Variants in PSMA8 observed in about 807,000 individuals in gnomAD.
PSMA8 encodes the protein proteasome subunit alpha-type 8.
PSMA8 carries 18 observed loss-of-function variants against 32.4 expected under a neutral mutation model. The observed-to-expected ratio is 0.56, with a 90% CI of 0.38 to 0.82. The LOEUF (loss-of-function observed/expected upper bound fraction) is 0.82, where lower values mean the gene tolerates loss of function less well. Ranked by LOEUF, PSMA8 falls within the 40% of genes least tolerant of loss-of-function variation. The pLI is 0.00. For missense variants in PSMA8, 298 were observed against 300.7 expected (o/e 0.99, Z 0.07); for synonymous variants, 104 against 98.1 (o/e 1.06, Z -0.36).
intron 1 of PSMA8, chr18:26,139,906 T>G: frequency 1.7e-6 from 1 of 574,748 alleles, no homozygotes; most frequent in Non-Finnish European, 3.1e-6. Flanking sequence ...CTTCTCAATT[T>G]GTTCGCATAG....
chr18:26,180,029 T>G (rs2055297927), intron 6 of PSMA8, among the ~76,000 whole-genome samples: 1 of 151,506 alleles, frequency 6.6e-6, no homozygotes, highest in East Asian at 1.9e-4. Flanking sequence ...GGCGGATGGA[T>G]CACTTGAGGT....
At chr18:26,135,851 T>G (rs4800242) in intron 1 of PSMA8, among the ~76,000 whole-genome samples, 7,523 of 152,246 alleles carry the variant, frequency 0.049, 374 homozygotes, top group East Asian at 0.15. Flanking sequence ...TAAAGATACA[T>G]TGGAAGAATG....
At chr18:26,160,863 G>A (rs1022167595) in intron 4 of PSMA8, among the ~76,000 whole-genome samples, 12 of 152,190 alleles carry the variant, frequency 7.9e-5, no homozygotes, top group African/African-American at 2.9e-4. Context: ...TTTTATTTAT[G>A]AGGACTGGGC....
chr18:26,149,597 T>C (rs1031963531), intron 2 of PSMA8, among the ~76,000 whole-genome samples: 6 of 152,158 alleles, frequency 3.9e-5, no homozygotes, highest in African/African-American at 1.4e-4. Context: ...ACTAATGGAA[T>C]TGAATAGAGA....
chr18:26,181,819 C>T (rs1252383947), intron 6 of PSMA8, among the ~76,000 whole-genome samples: 1 of 151,620 alleles, frequency 6.6e-6, no homozygotes, highest in African/African-American at 2.4e-5. Flanking sequence ...AGCTACTCGG[C>T]AGGCTGAGGC....
intron 6 of PSMA8, among the ~76,000 whole-genome samples, chr18:26,185,087 CAAAAAAAAAA>C (rs772421124): frequency 1.8e-5 from 1 of 55,468 alleles, no homozygotes; most frequent in Non-Finnish European, 3.8e-5. Context: ...AACTCCATCT[CAAAAAAAAAA>C]AAAAAAAAAA....
chr18:26,186,247 T>TA, intron 6 of PSMA8, among the ~76,000 whole-genome samples: 1 of 31,404 alleles, frequency 3.2e-5, no homozygotes, highest in Non-Finnish European at 5.6e-5. Context: ...AGACTCTGTC[T>TA]CAAAAAAAAA....
chr18:26,159,059 T>C (rs1402515878), intron 4 of PSMA8, among the ~76,000 whole-genome samples: 2 of 152,138 alleles, frequency 1.3e-5, no homozygotes, highest in African/African-American at 4.8e-5. Flanking sequence ...GAGTGAATTT[T>C]TATATATTCC....
intron 6 of PSMA8, among the ~76,000 whole-genome samples, chr18:26,180,184 C>T (rs1051543928): frequency 3.9e-5 from 6 of 152,092 alleles, no homozygotes; most frequent in South Asian, 2.1e-4. Context: ...ACCCGGGAGG[C>T]GGAAGTTGCA....
chr18:26,137,994 G>C (rs1033399416), intron 1 of PSMA8, among the ~76,000 whole-genome samples: 1 of 152,142 alleles, frequency 6.6e-6, no homozygotes, highest in South Asian at 2.1e-4. Context: ...GAAAAGGACA[G>C]CTATGTTCTG....
chr18:26,191,357 G>A (rs542942068), intron 6 of PSMA8, among the ~76,000 whole-genome samples: 54 of 152,088 alleles, frequency 3.6e-4, no homozygotes, highest in African/African-American at 1.2e-3. Flanking sequence ...GGCCAGGCAC[G>A]GTGGCTCAGG....
chr18:26,159,558 T>C (rs2055118843), intron 4 of PSMA8, among the ~76,000 whole-genome samples: 1 of 151,964 alleles, frequency 6.6e-6, no homozygotes, highest in African/African-American at 2.4e-5. Context: ...CATCTTCTGT[T>C]TGCATTTATC....
chr18:26,190,743 C>T (rs530491870), intron 6 of PSMA8, among the ~76,000 whole-genome samples: 104 of 152,188 alleles, frequency 6.8e-4, no homozygotes, highest in Non-Finnish European at 1.1e-3. Flanking sequence ...GAGCAAGACC[C>T]GGTCTCAAAA....
At chr18:26,176,497 T>G (rs1004192491) in intron 4 of PSMA8, among the ~76,000 whole-genome samples, 5 of 152,226 alleles carry the variant, frequency 3.3e-5, no homozygotes, top group African/African-American at 1.2e-4. Context: ...CTCTGAAATA[T>G]AATGGCATAG....
At chr18:26,140,213 C>CG in intron 1 of PSMA8, 1 of 693,618 alleles carries the variant, frequency 1.4e-6, no homozygotes. Context: ...GGCAGGCTGG[C>CG]GTGATGCCTA....
chr18:26,171,117 G>T, intron 4 of PSMA8: 1 of 1,559,380 alleles, frequency 6.4e-7, no homozygotes, highest in South Asian at 1.1e-5. Flanking sequence ...GGAGAACCAG[G>T]TCTTCTTACC....
At chr18:26,157,445 C>CGACTTTTGG (rs2055099032) in intron 3 of PSMA8, among the ~76,000 whole-genome samples, 1 of 151,730 alleles carries the variant, frequency 6.6e-6, no homozygotes, top group East Asian at 1.9e-4. Context: ...CTTCTTTGCA[C>CGACTTTTGG]GACTTTTGGG....
In PSMA8 at chr18:26,151,919, G is replaced by A. The variant is rs1243113456; in HGVS notation, c.291G>A (p.Lys97=). ...CCCGTGTGGAGTGCCAGAGCCATAA[G>A]CTTACGGTTGAGGACCCAGTCACTG... is the stretch of plus-strand genomic sequence containing the variant. The part of the protein sequence containing the change: ...NRARVECQSH[K]LTVEDPVTVE... The change falls in exon 3 of 7, where the codon AAG becomes AAA. Residue 97 remains lysine (K), a synonymous_variant. Coordinates refer to ENST00000415576, the MANE Select transcript of PSMA8 (RefSeq NM_001025096.2). 5 of 1,612,662 alleles carry A rather than the reference G, an allele frequency of 3.1e-6. No individual in the cohort carries two copies. Among genetic ancestry groups the A allele is most frequent in the East Asian group, 2.2e-5 (1 of 44,798 alleles).
chr18:26,134,783 C>T (rs1227327168), intron 1 of PSMA8, among the ~76,000 whole-genome samples: 1 of 152,056 alleles, frequency 6.6e-6, no homozygotes, highest in Admixed American at 6.6e-5. Context: ...GGAGAAACTC[C>T]GTCTCTACTA....
Sources: allele counts gnomAD v4.1 joint callset (sites outside exome capture counted in the v4.1 genomes callset), GRCh38; gene constraint gnomAD v4.1.1; transcripts MANE v1.5; gene names NCBI Gene and HGNC (gene_info 2026-07-23, HGNC 2026-07-21).